The following TG variants were observed in gnomAD, a reference collection of about 807,000 sequenced individuals.
TG encodes the protein thyroglobulin, also known as thyroid hormones.
In TG, 270 loss-of-function variants were observed where a neutral mutation model predicts 324.7. The observed-to-expected ratio is 0.83, with a 90% CI of 0.75 to 0.92. The LOEUF is 0.92. TG is among the 40% of genes least tolerant of loss of function. The pLI, the probability that TG is intolerant of heterozygous loss-of-function variation, is 0.00. For missense variants in TG, 3,591 were observed against 3,456.4 expected (o/e 1.04, Z -0.98); for synonymous variants, 1,401 against 1,327.0 (o/e 1.06, Z -1.21).
In TG at chr8:132,917,889, ATTTT is replaced by A. The variant is rs71299038; in HGVS notation, c.4379-1474_4379-1471del. On this transcript the variant is annotated intron_variant, in intron 20 of 47. Transcript: ENST00000220616. ...TGCAAAAGTAATTACGGTTTTTGCA[ATTTT>A]TTTTTTTTTTTTAATTGCAAAAACC... Among the ~76,000 whole-genome samples the A allele has an allele frequency of 3.0e-4, 41 of 138,766 alleles. No homozygotes were observed. The Admixed American group carries it at 3.0e-3, about 10-fold the overall frequency. The allele number at this position is 138,766 out of a possible 152,430, so 91.0% of individuals were successfully genotyped here. A position where few individuals can be genotyped will look rare whatever the true frequency, so the allele number is the denominator to read the frequency against.
chr8:133,126,629 T>G (rs1851541627), intron 45 of TG, among the ~76,000 whole-genome samples: 1 of 152,102 alleles, frequency 6.6e-6, no homozygotes, highest in Non-Finnish European at 1.5e-5. Context: ...TTTAAAGGAT[T>G]GCATAGCAAA....
intron 35 of TG, chr8:132,983,746 A>G: frequency 2.4e-6 from 1 of 412,636 alleles, no homozygotes. Context: ...ATCCGGAGGC[A>G]ATGTCAAGAA....
At chr8:133,128,240 G>A (rs542824351) in intron 45 of TG, among the ~76,000 whole-genome samples, 16 of 152,106 alleles carry the variant, frequency 1.1e-4, no homozygotes, top group African/African-American at 3.9e-4. Context: ...TTCGGCAACT[G>A]TGGGCGGAGC....
intron 43 of TG, among the ~76,000 whole-genome samples, chr8:133,111,682 T>A (rs1351205481): frequency 1.3e-5 from 2 of 151,914 alleles, no homozygotes; most frequent in East Asian, 3.8e-4. Flanking sequence ...TTCAGGTCTG[T>A]GTCTGTGTAT....
chr8:133,001,208 G>A (rs556076283), intron 35 of TG, among the ~76,000 whole-genome samples: 1 of 146,808 alleles, frequency 6.8e-6, no homozygotes, highest in Admixed American at 6.8e-5. Context: ...GGTTAGGACT[G>A]CAACGTGTGA....
chr8:133,117,694 C>T (rs1850809109), intron 45 of TG, among the ~76,000 whole-genome samples: 1 of 152,242 alleles, frequency 6.6e-6, no homozygotes, highest in South Asian at 2.1e-4. Flanking sequence ...TCAGGGAACA[C>T]ATGTCTCCAA....
chr8:132,977,789 A>G (rs1245397935), intron 34 of TG, among the ~76,000 whole-genome samples: 1 of 152,148 alleles, frequency 6.6e-6, no homozygotes, highest in East Asian at 1.9e-4. Context: ...GAGCTACAAG[A>G]TGAGATTTGG....
intron 32 of TG, 89 bp downstream of exon 32, chr8:132,969,658 T>C: frequency 9.6e-7 from 1 of 1,045,932 alleles, no homozygotes; most frequent in Non-Finnish European, 1.5e-6. Context: ...AACAGAAGCA[T>C]ACCCAGCACT....
chr8:132,927,552 T>C (rs1822058552), intron 22 of TG, among the ~76,000 whole-genome samples: 1 of 152,256 alleles, frequency 6.6e-6, no homozygotes, highest in South Asian at 2.1e-4. Context: ...ATATGCAAAC[T>C]GACTCCATTG....
chr8:133,053,181 C>T (rs1840741639), intron 41 of TG, among the ~76,000 whole-genome samples: 1 of 152,176 alleles, frequency 6.6e-6, no homozygotes, highest in African/African-American at 2.4e-5. Flanking sequence ...CCAGAGGAGG[C>T]TCAGCCTTCC....
chr8:133,103,210 G>A (rs962322748), intron 43 of TG, among the ~76,000 whole-genome samples: 1 of 152,196 alleles, frequency 6.6e-6, no homozygotes, highest in Non-Finnish European at 1.5e-5. Context: ...TTGCTGAACT[G>A]GTCTGAGCTG....
In TG at chr8:132,913,236, G is replaced by A. The variant is rs965143153; in HGVS notation, c.4349G>A (p.Ser1450Asn). Residue 1450 changes from serine (S) to asparagine (N), a missense_variant, in exon 20 of 48, where the codon AGT (serine) becomes AAT (asparagine). Transcript: ENST00000220616. ...CSEGFYQVLTSEASQDGLGCV... is the reference protein window; with the variant it reads ...CSEGFYQVLTNEASQDGLGCV... ...GAAGGATTCTACCAAGTCTTGACAA[G>A]TGAGGCCAGTCAGGACGGACTGGGA... 4 of 1,614,100 alleles carry A rather than the reference G, an allele frequency of 2.5e-6. No individual in the cohort carries two copies. In the Admixed American group the frequency reaches 5.0e-5, roughly 20 times the overall value.
At chr8:133,107,588 GT>G (rs1207292301) in intron 43 of TG, among the ~76,000 whole-genome samples, 3 of 152,216 alleles carry the variant, frequency 2.0e-5, no homozygotes, top group Non-Finnish European at 4.4e-5. Flanking sequence ...GAAGGAATGT[GT>G]GTCCCAGGTC....
chr8:132,985,875 C>T (rs1360566074), intron 35 of TG, among the ~76,000 whole-genome samples: 1 of 152,062 alleles, frequency 6.6e-6, no homozygotes, highest in Non-Finnish European at 1.5e-5. Flanking sequence ...CTTGCGTTTC[C>T]TTTTTTCCTT....
At chr8:132,893,057 GGTGT>G (rs989585888) in intron 10 of TG, among the ~76,000 whole-genome samples, 4 of 146,136 alleles carry the variant, frequency 2.7e-5, no homozygotes, top group Non-Finnish European at 4.5e-5. Flanking sequence ...TGTCTTGAGT[GGTGT>G]GTGTATGTGT....
rs745621238 is a variant in TG, at chr8:132,911,451, G to A, written c.4077G>A (p.Arg1359=). ...CTGTGCAGGTGGGTTGTCTGACCAG[G>A]GAGCGTTTAGGAGTGAATGTTACAT... ...NSSVQVGCLT[R]ERLGVNVTWK... Residue 1359 remains arginine (R), a synonymous_variant, in exon 19 of 48, where the codon AGG becomes AGA. Transcript: ENST00000220616. 2 of 1,614,174 alleles carry A rather than the reference G, an allele frequency of 1.2e-6. No individual in the cohort carries two copies. Among genetic ancestry groups the A allele is most frequent in the Admixed American group, 3.3e-5 (2 of 60,020 alleles).
chr8:132,931,109 G>T (rs1053512904), intron 23 of TG, among the ~76,000 whole-genome samples: 1 of 152,186 alleles, frequency 6.6e-6, no homozygotes, highest in Non-Finnish European at 1.5e-5. Context: ...GGCAGGGTTG[G>T]TTGCTTCTGA....
chr8:133,091,628 CTATG>C (rs1368970376), intron 41 of TG, among the ~76,000 whole-genome samples: 2 of 151,606 alleles, frequency 1.3e-5, no homozygotes, highest in South Asian at 2.1e-4. Context: ...CTGGGTGTGT[CTATG>C]TGTGTGTATC....
At chr8:132,961,273 TG>T (rs2130345482) in intron 28 of TG, among the ~76,000 whole-genome samples, 200 bp downstream of exon 28, 1 of 152,178 alleles carries the variant, frequency 6.6e-6, no homozygotes, top group African/African-American at 2.4e-5. Context: ...ATGAATACTG[TG>T]GAAACCCAAG....
Sources: gnomAD v4.1 joint callset for allele counts (sites outside exome capture counted in the v4.1 genomes callset) on GRCh38, gnomAD v4.1.1 for gene constraint, MANE v1.5 for transcripts, NCBI Gene and HGNC (gene_info 2026-07-23, HGNC 2026-07-21) for gene names.